The following STARD13 variants were observed in gnomAD, a reference collection of about 807,000 sequenced individuals.
The protein encoded by STARD13 is stAR-related lipid transfer protein 13.
In STARD13, 62 loss-of-function variants were observed where a neutral mutation model predicts 106.4. The observed-to-expected ratio is 0.58, with a 90% confidence interval of 0.48 to 0.72. The LOEUF (loss-of-function observed/expected upper bound fraction) is 0.72, where lower values mean the gene tolerates loss of function less well. Ranked by LOEUF, STARD13 falls within the 30% of genes least tolerant of loss-of-function variation. The pLI, the probability that STARD13 is intolerant of heterozygous loss-of-function variation, is 0.00. For missense variants in STARD13, 1,387 were observed against 1,424.0 expected (o/e 0.97, Z 0.42); for synonymous variants, 565 against 553.0 (o/e 1.02, Z -0.31).
At chr13:33,138,902 G>T (rs372396730) in intron 4 of STARD13, 29 of 464,770 alleles carry the variant, frequency 6.2e-5, no homozygotes, top group African/African-American at 5.7e-4. Flanking sequence ...GGAGGGTAGC[G>T]GTGTTGTCAT....
chr13:33,302,770 A>G (rs1344657571), intron 1 of STARD13, among the ~76,000 whole-genome samples: 1 of 152,174 alleles, frequency 6.6e-6, no homozygotes, highest in Non-Finnish European at 1.5e-5. Flanking sequence ...CAATTTACAG[A>G]TGAGGAAACT....
Position 33,106,882 on chromosome 13 carries a change from CGGAGAGGG to C in STARD13, c.3092_3099del (p.Ser1031CysfsTer4). On this transcript the variant is annotated frameshift_variant, in exon 13 of 14. Coordinates refer to ENST00000336934, the MANE Select transcript of STARD13 (RefSeq NM_178006.4). LOFTEE classifies it high-confidence loss of function. Reference sequence around the variant, plus strand: ...AGGAGCTGGGCTTCCTCATGCTCCACGGAGAGGGACACCAGGGTACACATTCCTTTGGG... The same window carrying C: ...AGGAGCTGGGCTTCCTCATGCTCCACACACCAGGGTACACATTCCTTTGGG... The C allele has an allele frequency of 1.9e-6, 3 of 1,614,136 alleles. No individual in the cohort carries two copies. The highest frequency in any genetic ancestry group is 2.5e-6 in the Non-Finnish European group (3 of 1,180,020).
intron 1 of STARD13, among the ~76,000 whole-genome samples, chr13:33,200,954 A>T (rs998742373): frequency 2.0e-5 from 3 of 152,246 alleles, no homozygotes; most frequent in African/African-American, 7.2e-5. Context: ...TGAACCCAGG[A>T]GGCGGAGCTT....
At chr13:33,601,917 C>T in the STARD13 span, among the ~76,000 whole-genome samples, 1 of 152,220 alleles carries the variant, frequency 6.6e-6, no homozygotes, top group African/African-American at 2.4e-5. Flanking sequence ...ACAGCACTTT[C>T]CCCAGGTTCC....
At chr13:33,273,267 T>G (rs1406592314) in intron 1 of STARD13, among the ~76,000 whole-genome samples, 1 of 152,250 alleles carries the variant, frequency 6.6e-6, no homozygotes, top group Non-Finnish European at 1.5e-5. Flanking sequence ...CTCCACAAAG[T>G]GTCATGCACT....
chr13:33,650,171 T>G, the STARD13 span, among the ~76,000 whole-genome samples: 2 of 54,730 alleles, frequency 3.7e-5, no homozygotes, highest in Admixed American at 2.0e-4. Context: ...CCAATTTTTT[T>G]TTTTTTTTTT....
chr13:33,107,703 T>G (rs370442323), intron 12 of STARD13, among the ~76,000 whole-genome samples: 5 of 152,204 alleles, frequency 3.3e-5, no homozygotes, highest in African/African-American at 1.2e-4. Context: ...AAATGAAATG[T>G]GCTGCCCTGG....
chr13:33,403,723 C>A, the STARD13 span, among the ~76,000 whole-genome samples: 6 of 152,300 alleles, frequency 3.9e-5, no homozygotes, highest in African/African-American at 1.4e-4. Flanking sequence ...AGGTCAAGGT[C>A]CCTCAATAAA....
intron 1 of STARD13, among the ~76,000 whole-genome samples, chr13:33,306,893 T>C (rs993803998): frequency 2.6e-5 from 4 of 151,834 alleles, no homozygotes; most frequent in East Asian, 1.9e-4. Flanking sequence ...GAGGTTGTAG[T>C]GCGCCAAGAT....
chr13:33,593,592 C>A, the STARD13 span, among the ~76,000 whole-genome samples: 2 of 152,190 alleles, frequency 1.3e-5, no homozygotes, highest in East Asian at 3.9e-4. Flanking sequence ...TGCACAGATT[C>A]AGCCCCATGC....
At chr13:33,420,999 A>G in the STARD13 span, among the ~76,000 whole-genome samples, 1 of 152,342 alleles carries the variant, frequency 6.6e-6, no homozygotes, top group East Asian at 1.9e-4. Context: ...AAGAGAAAGC[A>G]GAAAAGAACT....
chr13:33,109,088 G>T lies in STARD13; in HGVS notation c.3047+785C>A, dbSNP rs541959280. 5.9e-5 allele frequency among the ~76,000 whole-genome samples: 9 copies of T among 152,276 alleles called. No individual in the cohort carries two copies. The East Asian group carries it at 1.7e-3, about 29-fold the overall frequency. On this transcript the variant is annotated intron_variant, in intron 12 of 13. Transcript: ENST00000336934. ...GAAAGCGTTTTAAATATACATTTGG[G>T]AGTTTCACAATAGGTTCCTTTTACA...
chr13:33,272,300 A>G (rs1039877451), intron 1 of STARD13, among the ~76,000 whole-genome samples: 5 of 152,196 alleles, frequency 3.3e-5, no homozygotes, highest in Admixed American at 2.6e-4. Flanking sequence ...AAATACTCCA[A>G]TGGGCATTTC....
intron 1 of STARD13, among the ~76,000 whole-genome samples, chr13:33,242,312 G>A (rs1055672156): frequency 2.6e-4 from 39 of 152,176 alleles, no homozygotes; most frequent in Non-Finnish European, 1.5e-5. Flanking sequence ...AATAGAAAAG[G>A]GGGCAATGTG....
At chr13:33,262,662 A>ACACAACACACACACACAC (rs5802678) in intron 1 of STARD13, among the ~76,000 whole-genome samples, 9 of 114,900 alleles carry the variant, frequency 7.8e-5, no homozygotes, top group African/African-American at 3.0e-4. Flanking sequence ...ACACACACAC[A>ACACAACACACACACACAC]ACACACACAC....
chr13:33,201,517 C>G (rs1887039660), intron 1 of STARD13, among the ~76,000 whole-genome samples: 1 of 152,194 alleles, frequency 6.6e-6, no homozygotes, highest in East Asian at 1.9e-4. Flanking sequence ...ACATAGTTTT[C>G]TTCATAGTAT....
the STARD13 span, among the ~76,000 whole-genome samples, chr13:33,430,644 T>G: frequency 6.6e-6 from 1 of 152,206 alleles, no homozygotes; most frequent in African/African-American, 2.4e-5. Flanking sequence ...TACAGCACTA[T>G]TCACGTAGCC....
chr13:33,183,662 C>T (rs1000748665), intron 1 of STARD13, among the ~76,000 whole-genome samples: 1 of 151,804 alleles, frequency 6.6e-6, no homozygotes, highest in Non-Finnish European at 1.5e-5. Flanking sequence ...TGGAATAGTG[C>T]TGGGAAGTCA....
the STARD13 span, among the ~76,000 whole-genome samples, chr13:33,608,013 G>A: frequency 6.6e-6 from 1 of 152,242 alleles, no homozygotes; most frequent in African/African-American, 2.4e-5. Context: ...GGGCTCAAGC[G>A]ATCCTCCCAC....
Sources: gnomAD v4.1 joint callset for allele counts (sites outside exome capture counted in the v4.1 genomes callset) on GRCh38, gnomAD v4.1.1 for gene constraint, MANE v1.5 for transcripts, NCBI Gene and HGNC (gene_info 2026-07-23, HGNC 2026-07-21) for gene names.